LYPD1: variants seen among roughly 807,000 people sequenced by gnomAD.
LYPD1 encodes ly6/PLAUR domain-containing protein 1.
Under a neutral mutation model 14.2 loss-of-function variants are expected in LYPD1, and 14 were observed. That is an observed-to-expected ratio of 0.99 (90% CI 0.65 to 1.54). The LOEUF (loss-of-function observed/expected upper bound fraction) is 1.54, where lower values mean the gene tolerates loss of function less well. LYPD1 is among the 40% of genes most tolerant of loss of function. The pLI, the probability that LYPD1 is intolerant of heterozygous loss-of-function variation, is 0.00. For synonymous variants in LYPD1, 85 were observed against 70.6 expected (o/e 1.20, Z -1.02); for missense variants, 165 against 175.7 (o/e 0.94, Z 0.34).
At chr2:132,658,411 T>G (rs761735596) in intron 2 of LYPD1, among the ~76,000 whole-genome samples, 8 of 152,136 alleles carry the variant, frequency 5.3e-5, no homozygotes, top group Non-Finnish European at 1.2e-4. Context: ...GCTGGTAAAT[T>G]CTGTTAGGAA....
In LYPD1 at chr2:132,644,852, TACACTGTCTA is replaced by T; in HGVS notation, c.*1183_*1192del. On this transcript the variant is annotated 3_prime_UTR_variant, in exon 3 of 3. Transcript: ENST00000397463. Reference sequence around the variant, plus strand: ...ATTAACAGACATCAACTGGTATAAATACACTGTCTAAAGCATTTAATGGTCTTTCTTTAAC... The same window carrying T: ...ATTAACAGACATCAACTGGTATAAATAAGCATTTAATGGTCTTTCTTTAAC... 1 of 510,850 alleles carries T rather than the reference TACACTGTCTA, an allele frequency of 2.0e-6. No homozygotes were observed. The highest frequency in any genetic ancestry group is 3.4e-6 in the Non-Finnish European group (1 of 291,306). 31.6% of individuals were successfully genotyped at this position (510,850 alleles called of 1,614,324 possible). A position where few individuals can be genotyped will look rare whatever the true frequency, so the allele number is the denominator to read the frequency against.
rs1177524177 is a variant in LYPD1 at position 132,644,486 on chromosome 2, A to ATGAT, written c.*1555_*1558dup. Among the ~76,000 whole-genome samples, 2 of 152,264 alleles carry ATGAT rather than the reference A, an allele frequency of 1.3e-5. No homozygotes were observed. Among genetic ancestry groups the ATGAT allele is most frequent in the African/African-American group, 4.8e-5 (2 of 41,478 alleles). On this transcript the variant is annotated 3_prime_UTR_variant, in exon 3 of 3. Transcript: ENST00000397463. ...ATATGCTGTTGCAGATATGAGCATC[A>ATGAT]TGATTATAGGTGTGCATACCTAGTA...
intron 2 of LYPD1, among the ~76,000 whole-genome samples, chr2:132,647,179 A>G (rs74672738): frequency 0.013 from 1,934 of 152,266 alleles, 70 homozygotes; most frequent in East Asian, 0.091. Flanking sequence ...ACCCCAAGCA[A>G]TCCTACAAGG....
intron 2 of LYPD1, among the ~76,000 whole-genome samples, chr2:132,657,347 T>A (rs865869144): frequency 1.1e-4 from 16 of 152,190 alleles, no homozygotes; most frequent in Admixed American, 3.3e-4. Flanking sequence ...GGAACAGATA[T>A]TTATGACTTA....
chr2:132,651,027 AAATT>A (rs1361112510), intron 2 of LYPD1, among the ~76,000 whole-genome samples: 1 of 152,188 alleles, frequency 6.6e-6, no homozygotes, highest in Non-Finnish European at 1.5e-5. Flanking sequence ...GGGAAAATAA[AAATT>A]AAACACATTT....
At position 132,669,993 on chromosome 2, in the gene LYPD1, G is replaced by T. The variant is rs1489665288; in HGVS notation, c.-61C>A. 1.9e-6 allele frequency: 3 copies of T among 1,589,432 alleles called. No homozygotes were observed. The highest frequency in any genetic ancestry group is 2.6e-6 in the Non-Finnish European group (3 of 1,173,176). On this transcript the variant is annotated 5_prime_UTR_variant, in exon 1 of 3. Transcript: ENST00000397463. This position sits in a 1 kb window ranked among gnomAD's most constrained non-coding sequence, Gnocchi z 4.3. ...CATCAGAGGAGGCGACAGCAGCGGA[G>T]GCTGCCCCGGCTGCAGCGGCTGTGG... is the stretch of plus-strand genomic sequence containing the variant.
In LYPD1 at chr2:132,645,415, C is replaced by A; in HGVS notation, c.*630G>T. Reference sequence around the variant, plus strand: ...CGACAGCGCCCGCTTTGTGCAGCGCCCGTTGCTCTTCGCGTCCCGGCGCCA... The same window carrying A: ...CGACAGCGCCCGCTTTGTGCAGCGCACGTTGCTCTTCGCGTCCCGGCGCCA... On this transcript the variant is annotated 3_prime_UTR_variant, in exon 3 of 3. Coordinates refer to ENST00000397463, the MANE Select transcript of LYPD1 (RefSeq NM_144586.7). 1 of 1,613,640 alleles carries A rather than the reference C, an allele frequency of 6.2e-7. No individual in the cohort carries two copies. Among genetic ancestry groups the A allele is most frequent in the South Asian group, 1.1e-5 (1 of 91,080 alleles).
chr2:132,645,317 T>A lies in LYPD1; in HGVS notation c.*728A>T. On this transcript the variant is annotated 3_prime_UTR_variant, in exon 3 of 3. Coordinates refer to ENST00000397463, the MANE Select transcript of LYPD1 (RefSeq NM_144586.7). ...CAGTTTCGGCGGGTGTTCGTGCAGG[T>A]GCTGTGCTGCCGCCTGTCGCTGCAG... The A allele has an allele frequency of 6.2e-7, 1 of 1,614,170 alleles. No individual in the cohort carries two copies. Among genetic ancestry groups the A allele is most frequent in the Non-Finnish European group, 8.5e-7 (1 of 1,180,036 alleles).
rs770359662 is a variant in LYPD1 at position 132,645,569 on chromosome 2, C to A, written c.*476G>T. 6.2e-7 allele frequency: 1 copy of A among 1,614,020 alleles called. No homozygotes were observed. Among genetic ancestry groups the A allele is most frequent in the South Asian group, 1.1e-5 (1 of 91,064 alleles). ...AACTCAGGCGCGAAACCAGCCAATT[C>A]TGCTGCAGAGAATGGTTTTCAGGAG... On this transcript the variant is annotated 3_prime_UTR_variant, in exon 3 of 3. Coordinates refer to ENST00000397463, the MANE Select transcript of LYPD1 (RefSeq NM_144586.7).
chr2:132,657,438 A>G (rs1453801246), intron 2 of LYPD1, among the ~76,000 whole-genome samples: 4 of 152,178 alleles, frequency 2.6e-5, no homozygotes, highest in African/African-American at 4.8e-5. Flanking sequence ...CCTTCTGATT[A>G]TTGTTCTCAA....
chr2:132,651,517 G>T (rs1280788720), intron 2 of LYPD1, among the ~76,000 whole-genome samples: 1 of 152,148 alleles, frequency 6.6e-6, no homozygotes, highest in Non-Finnish European at 1.5e-5. Flanking sequence ...TGGCATAAGG[G>T]CAGTCAGAAG....
rs774781849 is a variant in LYPD1 at position 132,645,674 on chromosome 2, G to A, written c.*371C>T. On this transcript the variant is annotated 3_prime_UTR_variant, in exon 3 of 3. Transcript: ENST00000397463. ...CCTAAGAAAACGTCACTCTCACTCT[G>A]CAGTCTCAAACTATGCCCCCATCAG... 3.8e-5 allele frequency: 58 copies of A among 1,544,208 alleles called. No individual in the cohort carries two copies. The East Asian group carries it at 4.9e-4, about 13-fold the overall frequency.
chr2:132,653,071 A>G (rs1682417099), intron 2 of LYPD1, among the ~76,000 whole-genome samples: 1 of 152,144 alleles, frequency 6.6e-6, no homozygotes, highest in Admixed American at 6.5e-5. Flanking sequence ...CTCTCCTTTA[A>G]TGGCCTTATC....
Position 132,645,768 on chromosome 2 carries a change from C to T in LYPD1, c.*277G>A. On this transcript the variant is annotated 3_prime_UTR_variant, in exon 3 of 3. Transcript: ENST00000397463. ...CCTCAGTGACTTCTAAGGACTGACTCTGCCAGCCTGGCCTTGACTCCGGTT... is the reference window on the plus strand; with the variant it reads ...CCTCAGTGACTTCTAAGGACTGACTTTGCCAGCCTGGCCTTGACTCCGGTT... The T allele has an allele frequency of 9.7e-7, 1 of 1,027,736 alleles. No homozygotes were observed. The highest frequency in any genetic ancestry group is 1.4e-6 in the Non-Finnish European group (1 of 725,600). 63.7% of individuals were successfully genotyped at this position (1,027,736 alleles called of 1,614,324 possible). A position where few individuals can be genotyped will look rare whatever the true frequency, so the allele number is the denominator to read the frequency against.
Position 132,646,050 on chromosome 2 carries a change from A to G in LYPD1, c.421T>C (p.Cys141Arg). Residue 141 changes from cysteine (C) to arginine (R), a missense_variant, in exon 3 of 3, where the codon TGC (cysteine) becomes CGC (arginine). Coordinates refer to ENST00000397463, the MANE Select transcript of LYPD1 (RefSeq NM_144586.7). ...GGGTGGCATCTCCTTCAGCTTCAGC[A>G]GTGTGCCGAGAAGAGGGCTAATTTG... ...FLKLALFSAH[C>R] is the part of the protein sequence containing the mutation. The G allele has an allele frequency of 1.3e-6, 2 of 1,563,628 alleles. No individual in the cohort carries two copies. The highest frequency in any genetic ancestry group is 2.3e-5 in the East Asian group (1 of 43,430).
At chr2:132,662,505 G>A (rs1184544267) in intron 2 of LYPD1, among the ~76,000 whole-genome samples, 1 of 144,290 alleles carries the variant, frequency 6.9e-6, no homozygotes, top group East Asian at 2.1e-4. Flanking sequence ...GAGTCCTTTT[G>A]CACAGTGTGC....
chr2:132,653,192 C>T (rs919114499), intron 2 of LYPD1, among the ~76,000 whole-genome samples: 1 of 152,104 alleles, frequency 6.6e-6, no homozygotes. Context: ...GAACATGAAC[C>T]CTGGAGTCTA....
intron 2 of LYPD1, among the ~76,000 whole-genome samples, chr2:132,647,626 C>T (rs762506157): frequency 2.0e-5 from 3 of 152,144 alleles, no homozygotes; most frequent in Non-Finnish European, 2.9e-5. Context: ...CCACTGCGCC[C>T]GGCCATATGT....
chr2:132,663,025 A>G (rs898308415), intron 2 of LYPD1: 2 of 152,322 alleles, frequency 1.3e-5, no homozygotes, highest in South Asian at 4.1e-4. Context: ...GGCACATGAA[A>G]GAGATAGTTG....
Sources: allele counts gnomAD v4.1 joint callset (sites outside exome capture counted in the v4.1 genomes callset), GRCh38; gene constraint gnomAD v4.1.1; non-coding constraint Gnocchi (gnomAD v3.1); transcripts MANE v1.5; gene names NCBI Gene and HGNC (gene_info 2026-07-23, HGNC 2026-07-21).